Variants in MARCHF6 observed in about 807,000 individuals in gnomAD.
The protein encoded by MARCHF6 is membrane associated ring-CH-type finger 6.
MARCHF6 carries 31 observed loss-of-function variants against 133.7 expected under a neutral mutation model. The ratio of observed to expected loss-of-function variants is 0.23; its 90% confidence interval spans 0.17 to 0.31. The LOEUF is 0.31. Ranked by LOEUF, MARCHF6 falls within the 10% of genes least tolerant of loss-of-function variation. MARCHF6 has a pLI of 1.00. For missense variants in MARCHF6, 723 were observed against 1,121.6 expected, an observed-to-expected ratio of 0.64 and a Z score of 5.08; for synonymous variants, 395 against 402.5, an observed-to-expected ratio of 0.98 and a Z score of 0.22.
chr5:10,377,013 A>G (rs1423836869), intron 1 of MARCHF6, among the ~76,000 whole-genome samples: 4 of 152,180 alleles, frequency 2.6e-5, no homozygotes, highest in African/African-American at 9.7e-5. Context: ...GGGTTCCCTA[A>G]GTGGACCCGG....
At chr5:10,410,064 A>G (rs975498647) in intron 17 of MARCHF6, 75 bp from the exon 18 acceptor site, 35 of 1,426,298 alleles carry the variant, frequency 2.5e-5, no homozygotes, top group Non-Finnish European at 3.0e-5. Flanking sequence ...GATTCTTAAG[A>G]AGTTGCGTTG....
chr5:10,433,219 T>C (rs918616132), intron 25 of MARCHF6, among the ~76,000 whole-genome samples: 3 of 152,216 alleles, frequency 2.0e-5, no homozygotes, highest in Non-Finnish European at 2.9e-5. Flanking sequence ...GTCATGTTTT[T>C]AGTCTGTCTC....
chr5:10,424,060 A>G (rs1379975015), intron 23 of MARCHF6, among the ~76,000 whole-genome samples: 1 of 151,992 alleles, frequency 6.6e-6, no homozygotes, highest in Non-Finnish European at 1.5e-5. Flanking sequence ...GAACCCTTTA[A>G]TAAAAGACAA....
At chr5:10,375,892 C>CTG (rs1554020189) in intron 1 of MARCHF6, among the ~76,000 whole-genome samples, 2 of 151,928 alleles carry the variant, frequency 1.3e-5, no homozygotes, top group East Asian at 1.9e-4. Flanking sequence ...AATCTACACT[C>CTG]TATCTAGCTG....
At chr5:10,397,218 A>G in intron 9 of MARCHF6, 75 bp from the exon 10 acceptor site, 1 of 1,095,636 alleles carries the variant, frequency 9.1e-7, no homozygotes, top group Non-Finnish European at 1.3e-6. Context: ...GCTCTAGCTA[A>G]ATAAGTGGAA....
At chr5:10,387,301 T>C (rs1462167663) in intron 5 of MARCHF6, among the ~76,000 whole-genome samples, 1 of 151,878 alleles carries the variant, frequency 6.6e-6, no homozygotes, top group African/African-American at 2.4e-5. Flanking sequence ...GACTTTTCTT[T>C]CTTTCTTTTT....
intron 19 of MARCHF6, 23 bp downstream of exon 19, chr5:10,411,560 C>G (rs754706222): frequency 1.9e-6 from 3 of 1,581,458 alleles, no homozygotes; most frequent in Non-Finnish European, 2.6e-6. Context: ...CAGACTTAAT[C>G]ACATATAGAG....
chr5:10,400,196 C>G (rs904470223), intron 10 of MARCHF6, among the ~76,000 whole-genome samples: 1 of 152,118 alleles, frequency 6.6e-6, no homozygotes, highest in Non-Finnish European at 1.5e-5. Flanking sequence ...ATATTTTAAA[C>G]AGTCATTTTT....
chr5:10,417,557 G>C, intron 22 of MARCHF6, 153 bp downstream of exon 22: 1 of 898,408 alleles, frequency 1.1e-6, no homozygotes, highest in Non-Finnish European at 1.7e-6. Flanking sequence ...ACCAGCCTGG[G>C]CAGCATGGCA....
rs35378319 is a variant in MARCHF6 at position 10,391,436 on chromosome 5, GTTTTTTTTTTT to G, written c.577-88_577-78del. The G allele has an allele frequency of 4.6e-5, 14 of 306,376 alleles. No individual in the cohort carries two copies. The East Asian group carries it at 5.5e-4, about 12-fold the overall frequency. The allele number at this position is 306,376 out of a possible 1,614,324, so 19.0% of individuals were successfully genotyped here. On this transcript the variant is annotated intron_variant, in intron 6 of 25. Transcript: ENST00000274140. ...GCATGAGCCACTACACCTGGCCTAG[GTTTTTTTTTTT>G]TTTTTTTTTTTTTTTTTAGCAGGAA...
intron 24 of MARCHF6, among the ~76,000 whole-genome samples, chr5:10,428,983 T>C (rs952999896): frequency 6.6e-6 from 1 of 152,176 alleles, no homozygotes; most frequent in Admixed American, 6.5e-5. Flanking sequence ...TTAATATGTT[T>C]TGTCAACTCT....
Position 10,377,790 on chromosome 5 carries a change from A to G in MARCHF6, c.20-8A>G. 6.3e-7 allele frequency: 1 copy of G among 1,598,816 alleles called. No individual in the cohort carries two copies. The highest frequency in any genetic ancestry group is 1.1e-5 in the South Asian group (1 of 90,386). ...AAAGGAAATTCAATTTTCCTTTTTC[A>G]TTGGCAGACATATGTAGAGTGTGTC... On this transcript the variant is annotated splice_polypyrimidine_tract_variant and splice_region_variant and intron_variant, in intron 1 of 25. Coordinates refer to ENST00000274140, the MANE Select transcript of MARCHF6 (RefSeq NM_005885.4).
rs1241462441 is a variant in MARCHF6, at chr5:10,436,586, T to C, written c.*2902T>C. ...ACCTTTTTGTTTTATTTTTACTATT[T>C]ATATATAGAAGACAAATCAGCATTT... On this transcript the variant is annotated 3_prime_UTR_variant, in exon 26 of 26. Transcript: ENST00000274140. 1 of 152,188 alleles carries C rather than the reference T, an allele frequency of 6.6e-6. No individual in the cohort carries two copies. Among genetic ancestry groups the C allele is most frequent in the East Asian group, 1.9e-4 (1 of 5,204 alleles). The allele number at this position is 152,188 out of a possible 1,614,324, so 9.4% of individuals were successfully genotyped here. A position where few individuals can be genotyped will look rare whatever the true frequency, so the allele number is the denominator to read the frequency against.
At chr5:10,364,969 A>G (rs571973955) in intron 1 of MARCHF6, among the ~76,000 whole-genome samples, 8 of 151,822 alleles carry the variant, frequency 5.3e-5, no homozygotes, top group African/African-American at 1.7e-4. Flanking sequence ...ACGCCCGGCT[A>G]ATTTTGTATT....
At chr5:10,428,331 GTTTTTTTTTTT>G (rs10604024) in intron 24 of MARCHF6, among the ~76,000 whole-genome samples, 2 of 75,784 alleles carry the variant, frequency 2.6e-5, no homozygotes, top group African/African-American at 5.3e-5. Flanking sequence ...TTGCTTTTTA[GTTTTTTTTTTT>G]TTTTTTTTTT....
chr5:10,403,625 A>G (rs958751675), intron 15 of MARCHF6, 84 bp downstream of exon 15: 8 of 1,246,568 alleles, frequency 6.4e-6, no homozygotes, highest in Non-Finnish European at 8.8e-6. Context: ...AAAGGCTATG[A>G]TGATTTCCTA....
At chr5:10,375,601 G>C (rs1248386848) in intron 1 of MARCHF6, among the ~76,000 whole-genome samples, 4 of 152,276 alleles carry the variant, frequency 2.6e-5, no homozygotes, top group Non-Finnish European at 5.9e-5. Context: ...GGATCCACTA[G>C]GTGAAGCCAG....
At chr5:10,406,415 A>G (rs1053419717) in intron 16 of MARCHF6, among the ~76,000 whole-genome samples, 4 of 141,704 alleles carry the variant, frequency 2.8e-5, no homozygotes, top group African/African-American at 7.9e-5. Context: ...TTTGAGATGG[A>G]GTTTTGGTCT....
chr5:10,410,801 T>C (rs973890396), intron 18 of MARCHF6, among the ~76,000 whole-genome samples: 2 of 152,344 alleles, frequency 1.3e-5, no homozygotes, highest in Middle Eastern at 3.4e-3. Context: ...TGCTTGAACA[T>C]CTGTCGTCCT....
Sources: gnomAD v4.1 joint callset for allele counts (sites outside exome capture counted in the v4.1 genomes callset) on GRCh38, gnomAD v4.1.1 for gene constraint, MANE v1.5 for transcripts, NCBI Gene and HGNC (gene_info 2026-07-23, HGNC 2026-07-21) for gene names.